Variants in MSRB1 observed in about 807,000 individuals in gnomAD.
MSRB1 encodes methionine sulfoxide reductase B1.
MSRB1 carries 13 observed loss-of-function variants against 15.2 expected under a neutral mutation model. The ratio of observed to expected loss-of-function variants is 0.86; its 90% CI spans 0.56 to 1.36. MSRB1 has a LOEUF of 1.36. Ranked by LOEUF, MSRB1 falls within the 40% of genes most tolerant of loss-of-function variation. The pLI is 0.00. For missense variants in MSRB1, 174 were observed against 155.9 expected (o/e 1.12, Z -0.62); for synonymous variants, 68 against 64.5 (o/e 1.05, Z -0.26).
rs2083051494 is a variant in MSRB1 at position 1,938,295 on chromosome 16, T to C, written c.*817A>G. 6.6e-6 allele frequency: 1 copy of C among 152,234 alleles called. No homozygotes were observed. Among genetic ancestry groups the C allele is most frequent in the South Asian group, 2.1e-4 (1 of 4,838 alleles). The allele number at this position is 152,234 out of a possible 1,614,324, so 9.4% of individuals were successfully genotyped here. On this transcript the variant is annotated 3_prime_UTR_variant, in exon 4 of 4. Coordinates refer to ENST00000361871, the MANE Select transcript of MSRB1 (RefSeq NM_016332.4). Reference sequence around the variant, plus strand: ...TACTCCAGAAAGTAATTACTTAAGATGGGGGGTGATTTCAGCATCACCCAC... The same window carrying C: ...TACTCCAGAAAGTAATTACTTAAGACGGGGGGTGATTTCAGCATCACCCAC...
In MSRB1 at chr16:1,940,724, A is replaced by G. The variant is rs2150856692; in HGVS notation, c.319+54T>C. On this transcript the variant is annotated intron_variant, in intron 3 of 3. Transcript: ENST00000361871. ...GACAAGCACAAACACTGGGCCCCCC[A>G]GCCTGGGCTCAAAGGCCAACAGGCC... 3.8e-6 allele frequency: 6 copies of G among 1,566,102 alleles called. No individual in the cohort carries two copies. In the South Asian group the frequency reaches 7.1e-5, roughly 19 times the overall value.
intron 3 of MSRB1, among the ~76,000 whole-genome samples, chr16:1,939,735 C>A (rs1317661488): frequency 6.6e-6 from 1 of 152,126 alleles, no homozygotes; most frequent in Non-Finnish European, 1.5e-5. Flanking sequence ...AGGCAGATCA[C>A]CTCAGGTCAG....
rs1359111490 is a variant in MSRB1, at chr16:1,938,837, G to C, written c.*275C>G. 1.7e-5 allele frequency: 9 copies of C among 539,478 alleles called. No individual in the cohort carries two copies. The highest frequency in any genetic ancestry group is 2.6e-5 in the Non-Finnish European group (8 of 305,864). The allele number at this position is 539,478 out of a possible 1,614,324, so 33.4% of individuals were successfully genotyped here. A position where few individuals can be genotyped will look rare whatever the true frequency, so the allele number is the denominator to read the frequency against. ...AGCTGCACCCAGGGCTCACCTCCTG[G>C]AGGCACCTAGAGTGAGCAGGGGGCT... On this transcript the variant is annotated 3_prime_UTR_variant, in exon 4 of 4. Coordinates refer to ENST00000361871, the MANE Select transcript of MSRB1 (RefSeq NM_016332.4).
In MSRB1 at chr16:1,939,133, A is replaced by C; in HGVS notation, c.330T>G (p.Thr110=). 1 of 1,608,544 alleles carries C rather than the reference A, an allele frequency of 6.2e-7. No individual in the cohort carries two copies. Among genetic ancestry groups the C allele is most frequent in the Non-Finnish European group, 8.5e-7 (1 of 1,178,352 alleles). The change falls in exon 4 of 4, where the codon ACT becomes ACG. Residue 110 remains threonine, a synonymous_variant. Transcript: ENST00000361871. ...CCGCCTAGTGACCCTGGGAGGCAGA[A>C]GTTTCTTTGCCTGAAAGAGAGGAGA... ...SLKFVPKGKE[T]SASQGH
chr16:1,940,228 G>A (rs906053653), intron 3 of MSRB1, among the ~76,000 whole-genome samples: 30 of 150,902 alleles, frequency 2.0e-4, no homozygotes, highest in African/African-American at 6.8e-4. Context: ...CTGAGATCGC[G>A]CCACTGCACA....
chr16:1,942,992 C>G (rs2083089477), intron 1 of MSRB1, 110 bp downstream of exon 1: 60 of 1,428,474 alleles, frequency 4.2e-5, no homozygotes, highest in Non-Finnish European at 5.6e-5. Context: ...CAGCCACATT[C>G]GCCCCCATTC....
intron 1 of MSRB1, among the ~76,000 whole-genome samples, chr16:1,942,519 C>T (rs1193201885): frequency 6.6e-6 from 1 of 152,254 alleles, no homozygotes; most frequent in Non-Finnish European, 1.5e-5. Flanking sequence ...TGCCTGGTGG[C>T]ACTCCTGGTT....
rs530058585 is a variant in MSRB1, at chr16:1,939,348, T to A, written c.320-205A>T. Among the ~76,000 whole-genome samples the A allele has an allele frequency of 2.0e-5, 3 of 152,326 alleles. No homozygotes were observed. In the South Asian group the frequency reaches 6.2e-4, roughly 32 times the overall value. On this transcript the variant is annotated intron_variant, in intron 3 of 3. Transcript: ENST00000361871. ...GAGCTGAAAAGACCAGATGCCCGACTCAGGGGAGTCTGTGTACCCCATTTT... is the reference window on the plus strand; with the variant it reads ...GAGCTGAAAAGACCAGATGCCCGACACAGGGGAGTCTGTGTACCCCATTTT...
intron 3 of MSRB1, among the ~76,000 whole-genome samples, chr16:1,939,815 G>A (rs1345186563): frequency 4.0e-5 from 6 of 151,840 alleles, no homozygotes; most frequent in East Asian, 1.9e-4. Context: ...TTAGCCAGGC[G>A]CGGTAGTGGG....
intron 2 of MSRB1, 79 bp from the exon 3 acceptor site, chr16:1,940,971 A>G (rs765378881): frequency 1.3e-6 from 2 of 1,597,784 alleles, no homozygotes; most frequent in Non-Finnish European, 1.7e-6. Flanking sequence ...GGGCTGGCAG[A>G]TGGTGTTTCT....
Position 1,941,346 on chromosome 16 carries a change from G to C in MSRB1, c.115C>G (p.His39Asp). ...GTGAACGCCGGCCATGGAGACGAGT[G>C]TGCATACTTCGAGCGGCTGGAGAAC... ...ELFSSRSKYA[H>D]SSPWPAFTET... The change falls in exon 2 of 4, where the codon CAC (histidine) becomes GAC (aspartate). Residue 39 changes from histidine (H) to aspartate (D), a missense_variant. Physicochemically the swap from His to Asp is moderately conservative, Grantham distance 81. Transcript: ENST00000361871. 1.2e-6 allele frequency: 2 copies of C among 1,613,950 alleles called. No homozygotes were observed. Among genetic ancestry groups the C allele is most frequent in the Non-Finnish European group, 1.7e-6 (2 of 1,180,010 alleles).
chr16:1,941,305 G>C lies in MSRB1; in HGVS notation c.156C>G (p.Ala52=). 6.2e-7 allele frequency: 1 copy of C among 1,613,716 alleles called. No individual in the cohort carries two copies. The highest frequency in any genetic ancestry group is 8.5e-7 in the Non-Finnish European group (1 of 1,179,980). The change falls in exon 2 of 4, where the codon GCC becomes GCG. Residue 52 remains alanine (A), a synonymous_variant. Transcript: ENST00000361871. ...GCTCCGGACGCTTGGCCACGCTGTC[G>C]GCGTGAATGGTCTCGGTGAACGCCG... is the stretch of plus-strand genomic sequence containing the variant. ...PWPAFTETIH[A]DSVAKRPEHN...
In MSRB1 at chr16:1,939,094, T is replaced by C; in HGVS notation, c.*18A>G. On this transcript the variant is annotated 3_prime_UTR_variant, in exon 4 of 4. Coordinates refer to ENST00000361871, the MANE Select transcript of MSRB1 (RefSeq NM_016332.4). The stretch of plus-strand genomic sequence containing the variant: ...GCCTCAGTGTGGTGGCCGTCTGGGG[T>C]GGGTGTGGGCTGCCCGCCTAGTGAC... 1 of 1,611,300 alleles carries C rather than the reference T, an allele frequency of 6.2e-7. No homozygotes were observed. The highest frequency in any genetic ancestry group is 8.5e-7 in the Non-Finnish European group (1 of 1,179,206).
chr16:1,939,113 T>A lies in MSRB1; in HGVS notation c.350A>T (p.Ter117LeuextTer?). The A allele has an allele frequency of 6.2e-7, 1 of 1,611,592 alleles. No homozygotes were observed. The highest frequency in any genetic ancestry group is 1.1e-5 in the South Asian group (1 of 90,972). ...CTGGGGTGGGTGTGGGCTGCCCGCCTAGTGACCCTGGGAGGCAGAAGTTTC... is the reference window on the plus strand; with the variant it reads ...CTGGGGTGGGTGTGGGCTGCCCGCCAAGTGACCCTGGGAGGCAGAAGTTTC... Reference protein sequence around the residue: ...GKETSASQGH* With the variant: ...GKETSASQGHL Residue 117 changes from the stop codon to leucine, a stop_lost, in exon 4 of 4, where the codon TAG becomes TTG. Coordinates refer to ENST00000361871, the MANE Select transcript of MSRB1 (RefSeq NM_016332.4).
intron 3 of MSRB1, among the ~76,000 whole-genome samples, chr16:1,939,448 C>T (rs931176475): frequency 1.3e-5 from 2 of 152,100 alleles, no homozygotes; most frequent in Non-Finnish European, 2.9e-5. Flanking sequence ...AACAAAAGGA[C>T]GAAAACATCG....
intron 1 of MSRB1, chr16:1,941,963 G>A (rs1238428226): frequency 6.5e-6 from 1 of 153,546 alleles, no homozygotes; most frequent in Non-Finnish European, 1.5e-5. Context: ...AAGAAAGAGG[G>A]CTGGGGACAA....
rs540732571 is a variant in MSRB1 at position 1,940,835 on chromosome 16, T to C, written c.262A>G (p.Lys88Glu). The C allele has an allele frequency of 6.2e-7, 1 of 1,614,152 alleles. No homozygotes were observed. The highest frequency in any genetic ancestry group is 1.1e-5 in the South Asian group (1 of 91,088). ...LGHEFLNDGP[K>E]PGQSRFUIFS... ...ATTCAGAATCGGGACTGCCCCGGCTTGGGGCCGTCGTTCAGGAACTCGTGG... is the reference window on the plus strand; with the variant it reads ...ATTCAGAATCGGGACTGCCCCGGCTCGGGGCCGTCGTTCAGGAACTCGTGG... Residue 88 changes from lysine (K) to glutamate (E), a missense_variant, in exon 3 of 4, where the codon AAG becomes GAG. Physicochemically the swap from Lys to Glu is moderately conservative, Grantham distance 56. Coordinates refer to ENST00000361871, the MANE Select transcript of MSRB1 (RefSeq NM_016332.4).
At chr16:1,939,778 ACC>A (rs2083064108) in intron 3 of MSRB1, among the ~76,000 whole-genome samples, 1 of 151,968 alleles carries the variant, frequency 6.6e-6, no homozygotes, top group Non-Finnish European at 1.5e-5. Flanking sequence ...ACATGGTGAA[ACC>A]CCGTCTCTAC....
intron 3 of MSRB1, among the ~76,000 whole-genome samples, chr16:1,940,055 T>C (rs1286539038): frequency 6.6e-6 from 1 of 151,862 alleles, no homozygotes; most frequent in Non-Finnish European, 1.5e-5. Context: ...GCAGATCACC[T>C]GAGGTCAGGA....
Sources: gnomAD v4.1 joint callset for allele counts (sites outside exome capture counted in the v4.1 genomes callset) on GRCh38, gnomAD v4.1.1 for gene constraint, MANE v1.5 for transcripts, NCBI Gene and HGNC (gene_info 2026-07-23, HGNC 2026-07-21) for gene names.